The following PCSK5 variants were observed in gnomAD, a reference collection of about 807,000 sequenced individuals.
PCSK5 encodes the protein prohormone convertase 5.
PCSK5 carries 129 observed loss-of-function variants against 233.2 expected under a neutral mutation model. The observed-to-expected ratio is 0.55, with a 90% CI of 0.48 to 0.64. PCSK5 has a LOEUF of 0.64. Among genes scored for constraint, PCSK5 ranks in the 30% least tolerant of loss-of-function variants. The probability of loss-of-function intolerance (pLI) is 0.00; values close to 1 mark genes in which losing one functional copy is unlikely to be tolerated. For synonymous variants in PCSK5, 825 were observed against 879.2 expected (o/e 0.94, Z 1.09); for missense variants, 2,076 against 2,430.1 (o/e 0.85, Z 3.06).
At chr9:76,229,057 A>C (rs1339979920) in intron 21 of PCSK5, among the ~76,000 whole-genome samples, 1 of 152,224 alleles carries the variant, frequency 6.6e-6, no homozygotes, top group Non-Finnish European at 1.5e-5. Flanking sequence ...GGAAGGAGAA[A>C]GGACCGAAGA....
At chr9:76,284,138 T>C (rs951334786) in intron 24 of PCSK5, among the ~76,000 whole-genome samples, 5 of 152,106 alleles carry the variant, frequency 3.3e-5, no homozygotes, top group African/African-American at 1.2e-4. Context: ...AAAAAGAACT[T>C]ATGTTCATGA....
At chr9:76,250,274 C>T (rs1330041941) in intron 24 of PCSK5, among the ~76,000 whole-genome samples, 2 of 152,158 alleles carry the variant, frequency 1.3e-5, no homozygotes, top group Non-Finnish European at 2.9e-5. Context: ...TGCTCCCCAG[C>T]CTGGCGACAG....
At chr9:76,017,798 C>T (rs1410975204) in intron 3 of PCSK5, among the ~76,000 whole-genome samples, 5 of 152,042 alleles carry the variant, frequency 3.3e-5, no homozygotes, top group Admixed American at 3.3e-4. Flanking sequence ...CAAATTGACT[C>T]ATTAAGTATT....
chr9:76,269,887 C>A (rs963472981), intron 24 of PCSK5, among the ~76,000 whole-genome samples: 8 of 152,218 alleles, frequency 5.3e-5, no homozygotes, highest in Non-Finnish European at 1.2e-4. Context: ...GATTCTCTGG[C>A]TGGTGCCTCC....
At chr9:76,003,747 C>G (rs895936627) in intron 3 of PCSK5, among the ~76,000 whole-genome samples, 40 of 152,258 alleles carry the variant, frequency 2.6e-4, no homozygotes, top group African/African-American at 9.6e-4. Context: ...TTTTATAGAT[C>G]TATCCCTTTT....
At position 76,351,655 on chromosome 9, in the gene PCSK5, G is replaced by C. The variant is rs12380420; in HGVS notation, c.5067+727G>C. Among the ~76,000 whole-genome samples, 401 of 146,250 alleles carry C rather than the reference G, an allele frequency of 2.7e-3. 3 individuals are homozygous for C. The highest frequency in any genetic ancestry group is 9.7e-3 in the African/African-American group (387 of 40,008). ...GAGAGAGAAAGAAGAAAGAAAGAGAGAGAGAAAGAAAGAAAGAAAGAAAGA... is the reference window on the plus strand; with the variant it reads ...GAGAGAGAAAGAAGAAAGAAAGAGACAGAGAAAGAAAGAAAGAAAGAAAGA... On this transcript the variant is annotated intron_variant, in intron 36 of 37. Coordinates refer to ENST00000674117, the MANE Select transcript of PCSK5 (RefSeq NM_001372043.1).
chr9:75,916,198 G>A (rs1240131180), intron 1 of PCSK5, among the ~76,000 whole-genome samples: 2 of 152,154 alleles, frequency 1.3e-5, no homozygotes, highest in East Asian at 1.9e-4. Flanking sequence ...CTCCAAGAAC[G>A]AATATGTACT....
At chr9:76,183,716 C>T (rs947034303) in intron 16 of PCSK5, among the ~76,000 whole-genome samples, 11 of 152,178 alleles carry the variant, frequency 7.2e-5, no homozygotes, top group Non-Finnish European at 1.3e-4. Flanking sequence ...AGACTTGATC[C>T]AGCAGGCCCT....
At chr9:76,175,276 C>A (rs200914896) in intron 14 of PCSK5, 147 bp downstream of exon 14, 16,582 of 531,004 alleles carry the variant, frequency 0.031, 1,384 homozygotes, top group East Asian at 0.24. Flanking sequence ...GGAATGGAAT[C>A]GAATCGAATC....
At chr9:76,312,020 A>C (rs1469314202) in intron 30 of PCSK5, among the ~76,000 whole-genome samples, 1 of 152,206 alleles carries the variant, frequency 6.6e-6, no homozygotes, top group Non-Finnish European at 1.5e-5. Context: ...AATCCCTGGC[A>C]AAAAGAATGG....
chr9:76,336,539 G>T (rs1402966529), intron 34 of PCSK5, among the ~76,000 whole-genome samples: 2 of 152,116 alleles, frequency 1.3e-5, no homozygotes, highest in Non-Finnish European at 2.9e-5. Context: ...GCGTTTAACA[G>T]TTAAGCTCAA....
At chr9:76,079,189 C>T (rs570011037) in intron 7 of PCSK5, among the ~76,000 whole-genome samples, 37 of 151,792 alleles carry the variant, frequency 2.4e-4, no homozygotes, top group East Asian at 1.6e-3. Flanking sequence ...CTGCAACCTC[C>T]GCCTCTGGGG....
At position 76,141,016 on chromosome 9, in the gene PCSK5, A is replaced by G. The variant is rs77598244; in HGVS notation, c.1312+6804A>G. Among the ~76,000 whole-genome samples the G allele has an allele frequency of 1.4e-4, 21 of 152,292 alleles. No homozygotes were observed. The East Asian group carries it at 3.9e-3, about 28-fold the overall frequency. ...TAGATATTTGTAAAACTCTTCTTTC[A>G]GCACATGACTTTGACTATTCTTAAT... On this transcript the variant is annotated intron_variant, in intron 10 of 37. Transcript: ENST00000674117.
intron 20 of PCSK5, among the ~76,000 whole-genome samples, chr9:76,202,250 T>C (rs1824942400): frequency 6.6e-6 from 1 of 152,212 alleles, no homozygotes; most frequent in Non-Finnish European, 1.5e-5. Flanking sequence ...TCATCTCTTC[T>C]GCCCCTATCC....
At chr9:75,896,763 G>A (rs1004693337) in intron 1 of PCSK5, among the ~76,000 whole-genome samples, 2 of 152,150 alleles carry the variant, frequency 1.3e-5, no homozygotes, top group African/African-American at 4.8e-5. Context: ...ATATGTATGT[G>A]TGTAATATAT....
chr9:76,068,067 A>T (rs1175210087), intron 6 of PCSK5, 24 bp downstream of exon 6: 4 of 1,536,288 alleles, frequency 2.6e-6, no homozygotes, highest in East Asian at 2.2e-5. Flanking sequence ...ACTCACGTGG[A>T]TGTAGAAATG....
At chr9:76,029,044 C>T (rs1033630768) in intron 5 of PCSK5, among the ~76,000 whole-genome samples, 2 of 152,104 alleles carry the variant, frequency 1.3e-5, no homozygotes, top group African/African-American at 2.4e-5. Flanking sequence ...AAAAGGCTGT[C>T]GATCACTCTG....
chr9:76,092,599 A>G (rs1015087783), intron 7 of PCSK5, among the ~76,000 whole-genome samples: 1 of 152,038 alleles, frequency 6.6e-6, no homozygotes, highest in African/African-American at 2.4e-5. Flanking sequence ...AGGTCTCGCT[A>G]TGTTGCCCAG....
intron 3 of PCSK5, among the ~76,000 whole-genome samples, chr9:75,990,189 C>G (rs978835771): frequency 2.0e-5 from 3 of 152,172 alleles, no homozygotes; most frequent in Non-Finnish European, 4.4e-5. Flanking sequence ...TTTTCCTGAG[C>G]CCTGAGCTGC....
Sources: allele counts gnomAD v4.1 joint callset (sites outside exome capture counted in the v4.1 genomes callset), GRCh38; gene constraint gnomAD v4.1.1; transcripts MANE v1.5; gene names NCBI Gene and HGNC (gene_info 2026-07-23, HGNC 2026-07-21).